The following ZNF519 variants were observed in gnomAD, a reference collection of about 807,000 sequenced individuals.
ZNF519 encodes zinc finger protein 519, also known as similar to Zinc finger protein 85 (Zinc finger protein HPF4) (HTF1).
ZNF519 carries 7 observed loss-of-function variants against 7.4 expected under a neutral mutation model. That is an observed-to-expected ratio of 0.94 (90% confidence interval 0.54 to 1.77). The LOEUF (loss-of-function observed/expected upper bound fraction) is 1.77. Ranked by LOEUF, ZNF519 falls within the 40% of genes most tolerant of loss-of-function variation. The pLI, the probability that ZNF519 is intolerant of heterozygous loss-of-function variation, is 0.00. For missense variants in ZNF519, 586 were observed against 623.1 expected (o/e 0.94, Z 0.63); for synonymous variants, 179 against 203.3 (o/e 0.88, Z 1.02).
intron 2 of ZNF519, among the ~76,000 whole-genome samples, chr18:14,113,850 A>T (rs2046233834): frequency 6.7e-6 from 1 of 150,192 alleles, no homozygotes; most frequent in Non-Finnish European, 1.5e-5. Flanking sequence ...CTGGGATGAG[A>T]TAACATCTCA....
chr18:14,073,589 AT>A (rs1410622439), downstream of ZNF519: 1 of 152,194 alleles, frequency 6.6e-6, no homozygotes, highest in Non-Finnish European at 1.5e-5. Context: ...TTTTATTCAA[AT>A]TCTGTGTACA....
chr18:14,097,898 C>G (rs961555841), downstream of ZNF519, among the ~76,000 whole-genome samples: 1 of 152,104 alleles, frequency 6.6e-6, no homozygotes, highest in East Asian at 1.9e-4. Context: ...AACACAGTAA[C>G]TCACAAGTAG....
rs911116616 is a variant in ZNF519 at position 14,132,341 on chromosome 18, A to C, written c.-64T>G. 2 of 1,600,250 alleles carry C rather than the reference A, an allele frequency of 1.2e-6. No homozygotes were observed. Among genetic ancestry groups the C allele is most frequent in the Middle Eastern group, 1.7e-4 (1 of 6,006 alleles). On this transcript the variant is annotated 5_prime_UTR_variant, in exon 1 of 3. Coordinates refer to ENST00000590202, the MANE Select transcript of ZNF519 (RefSeq NM_145287.4). ...ATCATTCAATGCCAGCAGGTCACAG[A>C]GCGACGGAGTGAGTGGCAGAATCAC...
At chr18:14,109,970 G>T (rs962858167) in intron 2 of ZNF519, among the ~76,000 whole-genome samples, 2 of 152,080 alleles carry the variant, frequency 1.3e-5, no homozygotes, top group African/African-American at 4.8e-5. Context: ...AAAACAGCAT[G>T]GTATTGCTAT....
chr18:14,126,310 C>T (rs559505536), intron 1 of ZNF519, among the ~76,000 whole-genome samples: 1 of 152,312 alleles, frequency 6.6e-6, no homozygotes, highest in Non-Finnish European at 1.5e-5. Context: ...TTAGCCACTT[C>T]CCTATTTTGT....
At chr18:14,090,450 C>T (rs2046109867) in intron 2 of ZNF519, 1 of 152,158 alleles carries the variant, frequency 6.6e-6, no homozygotes, top group Non-Finnish European at 1.5e-5. Context: ...AGACGAGAGG[C>T]TAAAAATGCT....
At chr18:14,099,932 C>A (rs1012273306), downstream of ZNF519, 3 of 152,114 alleles carry the variant, frequency 2.0e-5, no homozygotes, top group African/African-American at 7.2e-5. Context: ...AAAATCCTTG[C>A]AAATGTTTTT....
chr18:14,112,534 C>T (rs1402774506), intron 2 of ZNF519, among the ~76,000 whole-genome samples: 1 of 152,062 alleles, frequency 6.6e-6, no homozygotes, highest in Non-Finnish European at 1.5e-5. Flanking sequence ...AGATGATGTG[C>T]TCTTATATTT....
At chr18:14,119,458 G>A (rs1200955133) in intron 2 of ZNF519, among the ~76,000 whole-genome samples, 2 of 152,090 alleles carry the variant, frequency 1.3e-5, no homozygotes, top group East Asian at 3.8e-4. Flanking sequence ...AGAACAATTA[G>A]GCAAGGAAAG....
At chr18:14,121,139 A>C (rs2143158957) in intron 2 of ZNF519, among the ~76,000 whole-genome samples, 1 of 152,264 alleles carries the variant, frequency 6.6e-6, no homozygotes, top group Middle Eastern at 3.4e-3. Context: ...GTAAACTCAT[A>C]GAAGCAGAGA....
downstream of ZNF519, chr18:14,071,264 A>C (rs1432499921): frequency 1.3e-5 from 2 of 152,096 alleles, no homozygotes; most frequent in African/African-American, 4.8e-5. Context: ...GAAAATTTTT[A>C]TTAAAAATAT....
chr18:14,077,935 C>A (rs2046054579), intron 4 of ZNF519, among the ~76,000 whole-genome samples: 1 of 152,152 alleles, frequency 6.6e-6, no homozygotes, highest in South Asian at 2.1e-4. Flanking sequence ...TCGTCCCCAA[C>A]CTTTTTGGCA....
chr18:14,073,782 T>C (rs1410915721), downstream of ZNF519: 2 of 152,228 alleles, frequency 1.3e-5, no homozygotes. Context: ...TGAATGTAGA[T>C]TATTTTGTTT....
chr18:14,105,917 G>A lies in ZNF519; in HGVS notation c.623C>T (p.Pro208Leu). ...FPENIHIQKK[P>L]YNSNECGETS... is the part of the protein sequence containing the mutation. ...TTCACCACATTCATTAGAGTTGTAA[G>A]GCTTTTTTTGAATATGGATATTTTC... The change falls in exon 3 of 3, where the codon CCT (proline) becomes CTT (leucine). Residue 208 changes from proline to leucine, a missense_variant. Physicochemically the swap from Pro to Leu is moderately conservative, Grantham distance 98 (BLOSUM62 -3). Coordinates refer to ENST00000590202, the MANE Select transcript of ZNF519 (RefSeq NM_145287.4). The A allele has an allele frequency of 1.9e-6, 3 of 1,610,228 alleles. No individual in the cohort carries two copies. Among genetic ancestry groups the A allele is most frequent in the Non-Finnish European group, 2.5e-6 (3 of 1,178,840 alleles).
downstream of ZNF519, chr18:14,072,363 C>T (rs1172715941): frequency 6.6e-6 from 1 of 152,160 alleles, no homozygotes; most frequent in Non-Finnish European, 1.5e-5. Context: ...AAAAGGTTAG[C>T]TTGTTACATT....
At chr18:14,114,327 TA>T (rs538278104) in intron 2 of ZNF519, among the ~76,000 whole-genome samples, 2 of 152,304 alleles carry the variant, frequency 1.3e-5, no homozygotes, top group East Asian at 3.9e-4. Context: ...CAGCAAGAGA[TA>T]GGGGTCTAGT....
chr18:14,124,518 T>G (rs1362610794), intron 1 of ZNF519, 42 bp from the exon 2 acceptor site: 1 of 1,593,880 alleles, frequency 6.3e-7, no homozygotes, highest in Non-Finnish European at 8.5e-7. Context: ...TTAATTTGAC[T>G]AGAGATGAAA....
downstream of ZNF519, chr18:14,071,201 TGA>T (rs1171954662): frequency 1.3e-5 from 2 of 151,904 alleles, no homozygotes; most frequent in African/African-American, 4.8e-5. Flanking sequence ...GAAAATAAAG[TGA>T]GAGACAAATT....
chr18:14,106,096 T>C lies in ZNF519; in HGVS notation c.444A>G (p.Lys148=), dbSNP rs2046189983. The change falls in exon 3 of 3, where the codon AAA becomes AAG. Residue 148 remains lysine, a synonymous_variant. Coordinates refer to ENST00000590202, the MANE Select transcript of ZNF519 (RefSeq NM_145287.4). ...PCIPMNKYQH[K]FLKSVFCNKN... ...TATTACAAAAGACAGATTTCAAAAA[T>C]TTATGTTGATATTTATTCATAGGAA... 4 of 1,606,026 alleles carry C rather than the reference T, an allele frequency of 2.5e-6. No homozygotes were observed.
Sources: gnomAD v4.1 joint callset for allele counts (sites outside exome capture counted in the v4.1 genomes callset) on GRCh38, gnomAD v4.1.1 for gene constraint, MANE v1.5 for transcripts, NCBI Gene and HGNC (gene_info 2026-07-23, HGNC 2026-07-21) for gene names.